Variants in FAM193A observed in about 807,000 individuals in gnomAD.
FAM193A encodes protein FAM193A.
A neutral mutation model predicts 126.5 loss-of-function variants in FAM193A; 22 were observed. The ratio of observed to expected loss-of-function variants is 0.17; its 90% CI spans 0.12 to 0.25. The LOEUF is 0.25. FAM193A is among the 10% of genes least tolerant of loss of function. The probability of loss-of-function intolerance (pLI) is 1.00; values close to 1 mark genes in which losing one functional copy is unlikely to be tolerated. For synonymous variants in FAM193A, 761 were observed against 646.8 expected (o/e 1.18, Z -2.68); for missense variants, 1,675 against 1,672.8 (o/e 1.00, Z -0.02).
intron 12 of FAM193A, among the ~76,000 whole-genome samples, chr4:2,666,046 A>G (rs933473270): frequency 2.0e-4 from 31 of 152,186 alleles, no homozygotes; most frequent in Admixed American, 2.0e-3. Flanking sequence ...TGTTGCAAGC[A>G]GATATCTTTG....
At chr4:2,642,190 G>C (rs187609086) in intron 6 of FAM193A, among the ~76,000 whole-genome samples, 1,554 of 151,270 alleles carry the variant, frequency 0.01, 32 homozygotes, top group African/African-American at 0.036. Context: ...TGAAGTCCCA[G>C]CTACCCGGGA....
rs142732445 is a variant in FAM193A, at chr4:2,680,447, A to G, written c.2331+8075A>G. The stretch of plus-strand genomic sequence containing the variant: ...GCATTCCTCCTCCCTTGGCCCCCCA[A>G]TAGCTGGGATTACAGGCATGTGCCA... On this transcript the variant is annotated intron_variant, in intron 13 of 20. Transcript: ENST00000637812. 4.4e-3 allele frequency among the ~76,000 whole-genome samples: 665 copies of G among 151,808 alleles called. 5 individuals are homozygous for G. Among genetic ancestry groups the G allele is most frequent in the South Asian group, 4.8e-3 (23 of 4,802 alleles).
chr4:2,717,051 C>T (rs950748339), intron 20 of FAM193A, among the ~76,000 whole-genome samples: 2 of 152,038 alleles, frequency 1.3e-5, no homozygotes, highest in Non-Finnish European at 2.9e-5. Flanking sequence ...GTGATCTGGG[C>T]TCACTGCAAT....
intron 13 of FAM193A, among the ~76,000 whole-genome samples, chr4:2,673,085 C>CCTTAG (rs1323766387): frequency 6.6e-6 from 1 of 152,152 alleles, no homozygotes; most frequent in African/African-American, 2.4e-5. Flanking sequence ...TTTCTTTGGA[C>CCTTAG]CTTAGATAGC....
In FAM193A at chr4:2,679,375, C is replaced by CTTT. The variant is rs796366785; in HGVS notation, c.2331+7025_2331+7027dup. The stretch of plus-strand genomic sequence containing the variant: ...GCGATACTCGTTTGTAGTTTTCTTT[C>CTTT]TTTTTTTTTTTTTTTTTTTTTTTTG... On this transcript the variant is annotated intron_variant, in intron 13 of 20. Coordinates refer to ENST00000637812, the MANE Select transcript of FAM193A (RefSeq NM_001366318.2). 9.2e-3 allele frequency among the ~76,000 whole-genome samples: 809 copies of CTTT among 87,758 alleles called. 10 individuals are homozygous for CTTT. Among genetic ancestry groups the CTTT allele is most frequent in the African/African-American group, 0.024 (608 of 25,494 alleles). The allele number at this position is 87,758 out of a possible 152,430, so 57.6% of individuals were successfully genotyped here.
chr4:2,640,556 C>T (rs1007551156), intron 6 of FAM193A, among the ~76,000 whole-genome samples: 2 of 152,192 alleles, frequency 1.3e-5, no homozygotes, highest in Non-Finnish European at 2.9e-5. Context: ...CATGAGCTAC[C>T]ACAGGTCTGC....
intron 19 of FAM193A, among the ~76,000 whole-genome samples, chr4:2,704,211 C>G (rs541278329): frequency 5.5e-5 from 8 of 145,374 alleles, no homozygotes; most frequent in African/African-American, 2.0e-4. Flanking sequence ...TGCAGTGAGC[C>G]GAGATCACAC....
intron 13 of FAM193A, among the ~76,000 whole-genome samples, chr4:2,676,954 T>A (rs914266575): frequency 5.3e-5 from 8 of 151,800 alleles, no homozygotes; most frequent in South Asian, 4.2e-4. Context: ...AAAAAAAAAA[T>A]TTTCATGCAG....
chr4:2,712,693 A>G (rs913260309), intron 19 of FAM193A, among the ~76,000 whole-genome samples: 4 of 152,170 alleles, frequency 2.6e-5, no homozygotes, highest in South Asian at 2.1e-4. Flanking sequence ...TGATATAACT[A>G]TGTGGTTGGT....
At chr4:2,608,237 G>A (rs1323743644) in intron 2 of FAM193A, 1 of 899,504 alleles carries the variant, frequency 1.1e-6, no homozygotes, top group Non-Finnish European at 1.7e-6. Flanking sequence ...GGAGTGCAGT[G>A]GTGCAATCCT....
At chr4:2,544,034 G>C (rs186801238) in intron 1 of FAM193A, among the ~76,000 whole-genome samples, 1 of 151,952 alleles carries the variant, frequency 6.6e-6, no homozygotes, top group South Asian at 2.1e-4. Context: ...TAGAAATTGC[G>C]ACCACGGTGA....
At chr4:2,620,713 G>A (rs1742488257) in intron 2 of FAM193A, among the ~76,000 whole-genome samples, 2 of 151,384 alleles carry the variant, frequency 1.3e-5, no homozygotes, top group South Asian at 4.2e-4. Context: ...GCCAGGGGTG[G>A]TGGTGGGCTC....
At chr4:2,721,913 C>T (rs1026531667) in intron 20 of FAM193A, among the ~76,000 whole-genome samples, 1 of 152,222 alleles carries the variant, frequency 6.6e-6, no homozygotes, top group African/African-American at 2.4e-5. Flanking sequence ...CAGACTGTCA[C>T]CTCATGGAGA....
chr4:2,607,450 G>A (rs191705055), intron 2 of FAM193A, among the ~76,000 whole-genome samples: 39 of 152,226 alleles, frequency 2.6e-4, no homozygotes, highest in African/African-American at 8.4e-4. Flanking sequence ...GTTTTGACTC[G>A]TGGGCCTGCT....
At chr4:2,631,242 C>T in intron 5 of FAM193A, 73 bp downstream of exon 5, 1 of 1,440,690 alleles carries the variant, frequency 6.9e-7, no homozygotes, top group South Asian at 1.3e-5. Flanking sequence ...GGAAGCTTCT[C>T]ACGCATGTGT....
At chr4:2,712,004 C>G (rs1719033558) in intron 19 of FAM193A, among the ~76,000 whole-genome samples, 1 of 152,054 alleles carries the variant, frequency 6.6e-6, no homozygotes, top group Admixed American at 6.6e-5. Context: ...TTTAAATTTC[C>G]AAGAGGAGAA....
At chr4:2,557,844 C>T (rs796613095) in intron 1 of FAM193A, among the ~76,000 whole-genome samples, 10 of 151,372 alleles carry the variant, frequency 6.6e-5, no homozygotes, top group African/African-American at 1.9e-4. Context: ...CCCAGCTACT[C>T]GGGAGGCTGA....
intron 1 of FAM193A, among the ~76,000 whole-genome samples, chr4:2,580,293 C>T (rs539805136): frequency 4.8e-4 from 73 of 152,070 alleles, no homozygotes; most frequent in South Asian, 1.7e-3. Flanking sequence ...CACATGGACA[C>T]GTAGAGGGGA....
Position 2,693,829 on chromosome 4 carries a change from C to G in FAM193A, c.3047C>G (p.Pro1016Arg). Residue 1016 changes from proline to arginine, a missense_variant, in exon 16 of 21, where the codon CCC (proline) becomes CGC (arginine). Physicochemically the swap from Pro to Arg is moderately radical, Grantham distance 103. Coordinates refer to ENST00000637812, the MANE Select transcript of FAM193A (RefSeq NM_001366318.2). ...AAGAGTTTCTGTCCTGCACCCCTAC[C>G]CCCGGCCACAGATGGCTCCATTAGC... ...TRKSFCPAPLPPATDGSISAP... is the reference protein window; with the variant it reads ...TRKSFCPAPLRPATDGSISAP... The G allele has an allele frequency of 6.2e-7, 1 of 1,614,238 alleles. No individual in the cohort carries two copies. Among genetic ancestry groups the G allele is most frequent in the Non-Finnish European group, 8.5e-7 (1 of 1,180,038 alleles).
Sources: gnomAD v4.1 joint callset for allele counts (sites outside exome capture counted in the v4.1 genomes callset) on GRCh38, gnomAD v4.1.1 for gene constraint, MANE v1.5 for transcripts, NCBI Gene and HGNC (gene_info 2026-07-23, HGNC 2026-07-21) for gene names.